Variants in OR6N1 observed in about 807,000 individuals in gnomAD.
OR6N1 encodes olfactory receptor 6N1.
For missense variants in OR6N1, 394 were observed against 371.7 expected (o/e 1.06, Z -0.49); for synonymous variants, 170 against 150.7 (o/e 1.13, Z -0.94).
At chr1:158,839,018 C>A in the OR6N1 span, among the ~76,000 whole-genome samples, 106 of 152,170 alleles carry the variant, frequency 7.0e-4, no homozygotes, top group South Asian at 1.5e-3. Flanking sequence ...TCCTTTAACT[C>A]ATTTATCATA....
chr1:158,829,210 C>T, the OR6N1 span, among the ~76,000 whole-genome samples: 2 of 152,234 alleles, frequency 1.3e-5, no homozygotes, highest in African/African-American at 4.8e-5. Context: ...CAAATTTCTG[C>T]AGCTGGCATG....
At chr1:158,838,628 C>T in the OR6N1 span, among the ~76,000 whole-genome samples, 1 of 152,022 alleles carries the variant, frequency 6.6e-6, no homozygotes, top group East Asian at 1.9e-4. Flanking sequence ...TTAGTCTTTT[C>T]TCAAATTTGG....
At chr1:158,791,763 C>T in the OR6N1 span, among the ~76,000 whole-genome samples, 13 of 152,150 alleles carry the variant, frequency 8.5e-5, no homozygotes, top group Admixed American at 3.9e-4. Context: ...CCACAGTGAC[C>T]GGTCAATTTT....
At chr1:158,830,384 G>A in the OR6N1 span, among the ~76,000 whole-genome samples, 1 of 152,028 alleles carries the variant, frequency 6.6e-6, no homozygotes, top group Admixed American at 6.6e-5. Context: ...TCTCTATGCT[G>A]CTGGTTTGGA....
the OR6N1 span, among the ~76,000 whole-genome samples, chr1:158,811,070 TTC>T: frequency 2.0e-5 from 3 of 152,256 alleles, no homozygotes; most frequent in Non-Finnish European, 4.4e-5. Context: ...GTGAGTGTTG[TTC>T]TCCTCTATGT....
intron 1 of OR6N1, among the ~76,000 whole-genome samples, chr1:158,770,425 T>G (rs1404580062): frequency 6.6e-6 from 1 of 152,196 alleles, no homozygotes; most frequent in Non-Finnish European, 1.5e-5. Flanking sequence ...CTTCTCTTTT[T>G]CACACCCCCT....
the OR6N1 span, chr1:158,831,243 A>G: frequency 1.3e-5 from 2 of 152,204 alleles, no homozygotes; most frequent in African/African-American, 4.8e-5. Context: ...ACAAAGAGGA[A>G]CTGACCACTT....
At chr1:158,783,155 CCTTGTCACTTCCCCT>C in the OR6N1 span, among the ~76,000 whole-genome samples, 1 of 152,118 alleles carries the variant, frequency 6.6e-6, no homozygotes, top group Non-Finnish European at 1.5e-5. Flanking sequence ...TTACTTCCCC[CCTTGTCACTTCCCCT>C]CATTGGTCCT....
chr1:158,834,585 T>G, the OR6N1 span, among the ~76,000 whole-genome samples: 1 of 152,162 alleles, frequency 6.6e-6, no homozygotes, highest in Non-Finnish European at 1.5e-5. Context: ...TTTACTCTGT[T>G]AATTGTGTCT....
chr1:158,814,360 T>C, the OR6N1 span, among the ~76,000 whole-genome samples: 196 of 152,330 alleles, frequency 1.3e-3, no homozygotes, highest in Non-Finnish European at 2.3e-3. Flanking sequence ...TTTCTACCCT[T>C]CTAGAGTGTT....
the OR6N1 span, among the ~76,000 whole-genome samples, chr1:158,778,850 TAAA>T: frequency 6.6e-6 from 1 of 150,846 alleles, no homozygotes; most frequent in African/African-American, 2.4e-5. Flanking sequence ...CCGTCTCTAC[TAAA>T]AATACAAAAA....
chr1:158,791,531 G>A, the OR6N1 span, among the ~76,000 whole-genome samples: 59 of 149,290 alleles, frequency 4.0e-4, no homozygotes, highest in East Asian at 2.0e-4. Context: ...GTGCAGTGGC[G>A]CGATCTCAGC....
chr1:158,784,000 G>A, the OR6N1 span, among the ~76,000 whole-genome samples: 1 of 152,090 alleles, frequency 6.6e-6, no homozygotes, highest in Non-Finnish European at 1.5e-5. Context: ...CACCTACTCG[G>A]GAGGCTGAGG....
the OR6N1 span, among the ~76,000 whole-genome samples, chr1:158,806,732 T>C: frequency 2.6e-5 from 4 of 152,096 alleles, no homozygotes; most frequent in Non-Finnish European, 5.9e-5. Context: ...TAGAGAGAGC[T>C]TATGTTTTTT....
the OR6N1 span, among the ~76,000 whole-genome samples, chr1:158,800,449 A>G: frequency 6.6e-6 from 1 of 152,226 alleles, no homozygotes; most frequent in Non-Finnish European, 1.5e-5. Context: ...GATCCACCAA[A>G]TGTCAGAAAA....
the OR6N1 span, among the ~76,000 whole-genome samples, chr1:158,824,961 A>T: frequency 6.6e-6 from 1 of 152,258 alleles, no homozygotes; most frequent in East Asian, 1.9e-4. Flanking sequence ...CCAAAAATTG[A>T]CAAATGAAAC....
the OR6N1 span, among the ~76,000 whole-genome samples, chr1:158,782,958 TA>T: frequency 6.6e-6 from 1 of 152,196 alleles, no homozygotes; most frequent in Non-Finnish European, 1.5e-5. Flanking sequence ...AAGTGATTCA[TA>T]AACTTTAAGT....
the OR6N1 span, among the ~76,000 whole-genome samples, chr1:158,814,774 T>C: frequency 2.6e-5 from 4 of 152,178 alleles, no homozygotes; most frequent in African/African-American, 9.7e-5. Flanking sequence ...TATAGGAACA[T>C]AAATATTTAC....
At chr1:158,782,704 C>A in the OR6N1 span, among the ~76,000 whole-genome samples, 3 of 152,146 alleles carry the variant, frequency 2.0e-5, no homozygotes, top group African/African-American at 4.8e-5. Flanking sequence ...TTAAGGTAGA[C>A]TAAAGCTGTA....
Sources: allele counts gnomAD v4.1 joint callset (sites outside exome capture counted in the v4.1 genomes callset), GRCh38; gene constraint gnomAD v4.1.1; transcripts MANE v1.5; gene names NCBI Gene and HGNC (gene_info 2026-07-23, HGNC 2026-07-21).